Variants in PCDHGA3 observed in about 807,000 individuals in gnomAD.
The protein encoded by PCDHGA3 is protocadherin gamma-A3.
A neutral mutation model predicts 58.5 loss-of-function variants in PCDHGA3; 40 were observed. The ratio of observed to expected loss-of-function variants is 0.68; its 90% CI spans 0.53 to 0.89. PCDHGA3 has a LOEUF of 0.89. PCDHGA3 is among the 40% of genes least tolerant of loss of function. PCDHGA3 has a pLI of 0.00. For missense variants in PCDHGA3, 1,223 were observed against 1,195.9 expected (o/e 1.02, Z -0.33); for synonymous variants, 530 against 525.7 (o/e 1.01, Z -0.11).
rs770630741 is a variant in PCDHGA3, at chr5:141,381,826, C to CTTTTTT, written c.2424+35386_2424+35391dup. Among the ~76,000 whole-genome samples, 197 of 74,234 alleles carry CTTTTTT rather than the reference C, an allele frequency of 2.7e-3. 2 individuals carry two copies. Among genetic ancestry groups the CTTTTTT allele is most frequent in the African/African-American group, 3.6e-3 (59 of 16,186 alleles). The allele number at this position is 74,234 out of a possible 152,430, so 48.7% of individuals were successfully genotyped here. A position where few individuals can be genotyped will look rare whatever the true frequency, so the allele number is the denominator to read the frequency against. On this transcript the variant is annotated intron_variant, in intron 1 of 3. Coordinates refer to ENST00000253812, the MANE Select transcript of PCDHGA3 (RefSeq NM_018916.4). ...TTTCTTTCTTTCTTTCTTTCTTCTT[C>CTTTTTT]TTTTTTTTTTTTTTTTTTTTTTGGC...
rs1224943883 is a variant in PCDHGA3 at position 141,493,516 on chromosome 5, G to A, written c.2425-1291G>A. Among the ~76,000 whole-genome samples, 1 of 152,122 alleles carries A rather than the reference G, an allele frequency of 6.6e-6. No individual in the cohort carries two copies. The highest frequency in any genetic ancestry group is 1.5e-5 in the Non-Finnish European group (1 of 68,036). On this transcript the variant is annotated intron_variant, in intron 1 of 3. Coordinates refer to ENST00000253812, the MANE Select transcript of PCDHGA3 (RefSeq NM_018916.4). The surrounding 1 kb of genome is among the most constrained non-coding windows in gnomAD (Gnocchi z 4.3). ...GGCTCCTCATTTCTGAGCAGTCCCC[G>A]CAGCGCAAACTTGGCCAGTTATCCT...
Position 141,359,430 on chromosome 5 carries a change from C to A in PCDHGA3, c.2424+12973C>A, listed in dbSNP as rs374091211. On this transcript the variant is annotated intron_variant, in intron 1 of 3. Coordinates refer to ENST00000253812, the MANE Select transcript of PCDHGA3 (RefSeq NM_018916.4). Reference sequence around the variant, plus strand: ...AAAAATGTGTTTTTGTTAGAATGGGCAGTGGGTTTCTTTTAGCAAATAACA... The same window carrying A: ...AAAAATGTGTTTTTGTTAGAATGGGAAGTGGGTTTCTTTTAGCAAATAACA... 2.0e-5 allele frequency among the ~76,000 whole-genome samples: 3 copies of A among 151,344 alleles called. No individual in the cohort carries two copies. The East Asian group carries it at 5.8e-4, about 29-fold the overall frequency.
At chr5:141,371,954 C>A in intron 1 of PCDHGA3, 1 of 1,613,274 alleles carries the variant, frequency 6.2e-7, no homozygotes, top group Non-Finnish European at 8.5e-7. Flanking sequence ...AGCGAGCCTT[C>A]GACCACGAGC....
At chr5:141,419,658 A>T in intron 1 of PCDHGA3, 2 of 1,612,782 alleles carry the variant, frequency 1.2e-6, no homozygotes, top group Non-Finnish European at 1.7e-6. Flanking sequence ...GACTCGGGGC[A>T]CAATGCCTGG....
At chr5:141,449,630 T>A (rs1006977026) in intron 1 of PCDHGA3, among the ~76,000 whole-genome samples, 6 of 150,024 alleles carry the variant, frequency 4.0e-5, no homozygotes, top group Non-Finnish European at 8.9e-5. Flanking sequence ...TTTAAAAAGA[T>A]GTATCTATAT....
chr5:141,444,350 T>C (rs1021358194), intron 1 of PCDHGA3, among the ~76,000 whole-genome samples: 7 of 151,946 alleles, frequency 4.6e-5, no homozygotes, highest in Admixed American at 2.0e-4. Context: ...TTTGTATTTT[T>C]AGTAGAGACG....
chr5:141,502,238 T>C (rs2099813398), intron 2 of PCDHGA3, among the ~76,000 whole-genome samples: 1 of 152,204 alleles, frequency 6.6e-6, no homozygotes, highest in Admixed American at 6.5e-5. Flanking sequence ...TGTGTTCTTT[T>C]ATCCTTTTTT....
In PCDHGA3 at chr5:141,381,798, C is replaced by CTCTTTCTTTCTTTCTT. The variant is rs372235829; in HGVS notation, c.2424+35350_2424+35365dup. On this transcript the variant is annotated intron_variant, in intron 1 of 3. Coordinates refer to ENST00000253812, the MANE Select transcript of PCDHGA3 (RefSeq NM_018916.4). Reference sequence around the variant, plus strand: ...ATCAGGAACAAGGCAAGGCAATTCCCTCTTTCTTTCTTTCTTTCTTTCTTC... The same window carrying CTCTTTCTTTCTTTCTT: ...ATCAGGAACAAGGCAAGGCAATTCCCTCTTTCTTTCTTTCTTTCTTTCTTTCTTTCTTTCTTTCTTC... Among the ~76,000 whole-genome samples, 49 of 144,164 alleles carry CTCTTTCTTTCTTTCTT rather than the reference C, an allele frequency of 3.4e-4. 1 individual carries two copies. The highest frequency in any genetic ancestry group is 1.3e-3 in the African/African-American group (47 of 37,522). The allele number at this position is 144,164 out of a possible 152,430, so 94.6% of individuals were successfully genotyped here. A position where few individuals can be genotyped will look rare whatever the true frequency, so the allele number is the denominator to read the frequency against.
At chr5:141,352,734 A>G in intron 1 of PCDHGA3, 1 of 1,506,098 alleles carries the variant, frequency 6.6e-7, no homozygotes. Flanking sequence ...TCAAGCCTGT[A>G]ATCCCAGCAC....
intron 1 of PCDHGA3, among the ~76,000 whole-genome samples, chr5:141,425,386 G>C (rs2096871887): frequency 6.6e-6 from 1 of 152,224 alleles, no homozygotes; most frequent in South Asian, 2.1e-4. Context: ...TTCGGAGGTA[G>C]TGATAAAGTT....
chr5:141,449,782 T>C (rs2098655261), intron 1 of PCDHGA3, among the ~76,000 whole-genome samples: 1 of 151,720 alleles, frequency 6.6e-6, no homozygotes, highest in South Asian at 2.1e-4. Flanking sequence ...GAAATTATGT[T>C]TCTTTATTCC....
intron 1 of PCDHGA3, chr5:141,366,166 C>A (rs764048783): frequency 1.2e-6 from 2 of 1,614,076 alleles, no homozygotes; most frequent in Admixed American, 1.7e-5. Flanking sequence ...TTAAGGCCAG[C>A]GAGCCAGGAC....
intron 1 of PCDHGA3, chr5:141,384,393 G>A (rs763875742): frequency 1.2e-6 from 2 of 1,613,790 alleles, no homozygotes; most frequent in Non-Finnish European, 1.7e-6. Context: ...CCATCCAGGG[G>A]GCTCCAGTGT....
At chr5:141,360,482 T>C in intron 1 of PCDHGA3, 4 of 1,613,924 alleles carry the variant, frequency 2.5e-6, no homozygotes, top group Non-Finnish European at 3.4e-6. Flanking sequence ...CCACTAAATA[T>C]TTTCTACATA....
At chr5:141,409,461 T>C in intron 1 of PCDHGA3, 1 of 1,613,928 alleles carries the variant, frequency 6.2e-7, no homozygotes, top group Non-Finnish European at 8.5e-7. Flanking sequence ...GAATACAATG[T>C]CACCATCGTA....
chr5:141,491,332 C>T lies in PCDHGA3; in HGVS notation c.2425-3475C>T, dbSNP rs1013118722. 2 of 1,614,072 alleles carry T rather than the reference C, an allele frequency of 1.2e-6. No individual in the cohort carries two copies. The highest frequency in any genetic ancestry group is 2.7e-5 in the African/African-American group (2 of 74,944). On this transcript the variant is annotated intron_variant, in intron 1 of 3. Coordinates refer to ENST00000253812, the MANE Select transcript of PCDHGA3 (RefSeq NM_018916.4). This position sits in a 1 kb window ranked among gnomAD's most constrained non-coding sequence, Gnocchi z 6.9. ...CCTTACCCTTTACCTCATTGTGGCT[C>T]TAGCGACCGTCAGTCTCTTATCCCT...
chr5:141,364,685 G>A (rs1451666874), intron 1 of PCDHGA3: 1 of 1,613,978 alleles, frequency 6.2e-7, no homozygotes, highest in South Asian at 1.1e-5. Flanking sequence ...AATTTATGGA[G>A]TAGAAGTAGA....
In PCDHGA3 at chr5:141,431,150, C is replaced by A. The variant is rs1007532359; in HGVS notation, c.2425-63657C>A. On this transcript the variant is annotated intron_variant, in intron 1 of 3. Transcript: ENST00000253812. The surrounding 1 kb of genome is among the most constrained non-coding windows in gnomAD (Gnocchi z 4.8). ...AGTAAGGGACATTAACGACAATGCGCCTTACTTTCGTGAAAGTGAATTAGA... is the reference window on the plus strand; with the variant it reads ...AGTAAGGGACATTAACGACAATGCGACTTACTTTCGTGAAAGTGAATTAGA... The A allele has an allele frequency of 1.2e-6, 2 of 1,614,226 alleles. No individual in the cohort carries two copies. The highest frequency in any genetic ancestry group is 1.7e-6 in the Non-Finnish European group (2 of 1,180,030).
At position 141,362,472 on chromosome 5, in the gene PCDHGA3, T is replaced by G. The variant is rs1762526410; in HGVS notation, c.2424+16015T>G. On this transcript the variant is annotated intron_variant, in intron 1 of 3. Transcript: ENST00000253812. ...CCCCGGAATTGGTTCCCGCGCAAGA[T>G]CTCGTCTGTGACAATGCCTCTTGGG... 3 of 1,613,916 alleles carry G rather than the reference T, an allele frequency of 1.9e-6. No individual in the cohort carries two copies. Among genetic ancestry groups the G allele is most frequent in the Non-Finnish European group, 2.5e-6 (3 of 1,179,892 alleles).
Sources: gnomAD v4.1 joint callset for allele counts (sites outside exome capture counted in the v4.1 genomes callset) on GRCh38, gnomAD v4.1.1 for gene constraint, Gnocchi (gnomAD v3.1) non-coding constraint, MANE v1.5 for transcripts, NCBI Gene and HGNC (gene_info 2026-07-23, HGNC 2026-07-21) for gene names.